The following SEL1L3 variants were observed in gnomAD, a reference collection of about 807,000 sequenced individuals.
SEL1L3 encodes the protein SEL1L family member 3, also known as protein sel-1 homolog 3.
Under a neutral mutation model 142.8 loss-of-function variants are expected in SEL1L3, and 76 were observed. The ratio of observed to expected loss-of-function variants is 0.53; its 90% CI spans 0.44 to 0.64. The LOEUF (loss-of-function observed/expected upper bound fraction) is 0.64, where lower values mean the gene tolerates loss of function less well. SEL1L3 is among the 30% of genes least tolerant of loss of function. The pLI, the probability that SEL1L3 is intolerant of heterozygous loss-of-function variation, is 0.00. For synonymous variants in SEL1L3, 504 were observed against 519.6 expected, an observed-to-expected ratio of 0.97 and a Z score of 0.41; for missense variants, 1,262 against 1,381.7, an observed-to-expected ratio of 0.91 and a Z score of 1.37.
chr4:25,717,313 G>A, the SEL1L3 span, among the ~76,000 whole-genome samples: 3 of 152,290 alleles, frequency 2.0e-5, no homozygotes, highest in East Asian at 5.8e-4. Flanking sequence ...TACCACGATA[G>A]GAGTAGGGAA....
intron 9 of SEL1L3, among the ~76,000 whole-genome samples, chr4:25,813,683 T>C (rs1007324977): frequency 6.6e-6 from 1 of 152,188 alleles, no homozygotes; most frequent in Non-Finnish European, 1.5e-5. Flanking sequence ...CTAAAACTGG[T>C]TCAGATGGCA....
intron 2 of SEL1L3, 68 bp downstream of exon 2, chr4:25,847,226 C>T: frequency 7.6e-7 from 1 of 1,311,370 alleles, no homozygotes; most frequent in Non-Finnish European, 1.1e-6. Context: ...TTTTCTCTTG[C>T]CATTCGATCA....
chr4:25,756,607 T>A (rs1224284004), intron 23 of SEL1L3: 9 of 952,740 alleles, frequency 9.4e-6, no homozygotes, highest in Non-Finnish European at 1.1e-5. Context: ...GTCATACAGC[T>A]AATGAGTAGC....
At chr4:25,752,629 T>A (rs1049332913) in intron 23 of SEL1L3, among the ~76,000 whole-genome samples, 4 of 152,128 alleles carry the variant, frequency 2.6e-5, no homozygotes, top group African/African-American at 7.2e-5. Context: ...GTGGTTTTGT[T>A]TTGTTTTTGA....
Position 25,788,208 on chromosome 4 carries a change from A to G in SEL1L3, c.2217+16T>C. On this transcript the variant is annotated intron_variant, in intron 13 of 23. Transcript: ENST00000399878. This position sits in a 1 kb window ranked among gnomAD's most constrained non-coding sequence, Gnocchi z 5.3. ...TAAGAATTGCACAATTTCAGCACGA[A>G]TTAAGTGATTCTTACCTTGAATAGC... 6.2e-7 allele frequency: 1 copy of G among 1,612,392 alleles called. No individual in the cohort carries two copies. Among genetic ancestry groups the G allele is most frequent in the South Asian group, 1.1e-5 (1 of 90,998 alleles).
intron 20 of SEL1L3, among the ~76,000 whole-genome samples, chr4:25,762,889 T>A (rs373443718): frequency 6.6e-6 from 1 of 150,456 alleles, no homozygotes; most frequent in East Asian, 2.0e-4. Context: ...GGCAGGAGAA[T>A]CACCTGAACC....
chr4:25,847,571 G>A lies in SEL1L3; in HGVS notation c.456C>T (p.Ser152=). Reference sequence around the variant, plus strand: ...AATAATCATCTCTGTAAACCATAATGCTTGGAAATTTCACATGTACTATTT... The same window carrying A: ...AATAATCATCTCTGTAAACCATAATACTTGGAAATTTCACATGTACTATTT... ...RTQIVHVKFP[S]IMVYRDDYFI... The change falls in exon 2 of 24, where the codon AGC becomes AGT. Residue 152 remains serine (S), a synonymous_variant. Transcript: ENST00000399878. The A allele has an allele frequency of 6.2e-7, 1 of 1,613,944 alleles. No individual in the cohort carries two copies. The highest frequency in any genetic ancestry group is 8.5e-7 in the Non-Finnish European group (1 of 1,179,856).
At chr4:25,752,862 C>T (rs746806436) in intron 23 of SEL1L3, among the ~76,000 whole-genome samples, 2 of 152,270 alleles carry the variant, frequency 1.3e-5, no homozygotes, top group Non-Finnish European at 2.9e-5. Context: ...CTTAGGTGAT[C>T]TGCCTGCCTT....
At chr4:25,831,504 A>ATT (rs1715434611) in intron 5 of SEL1L3, among the ~76,000 whole-genome samples, 1 of 94,374 alleles carries the variant, frequency 1.1e-5, no homozygotes, top group South Asian at 3.1e-4. Flanking sequence ...TAATAATAAT[A>ATT]ATAATAATTA....
intron 23 of SEL1L3, among the ~76,000 whole-genome samples, chr4:25,754,482 G>A (rs1040345254): frequency 6.6e-6 from 1 of 151,608 alleles, no homozygotes; most frequent in African/African-American, 2.4e-5. Context: ...CCAAGTAGCT[G>A]GGATTACAGG....
rs146878391 is a variant in SEL1L3 at position 25,843,751 on chromosome 4, A to T, written c.733+3543T>A. Among the ~76,000 whole-genome samples, 261 of 152,346 alleles carry T rather than the reference A, an allele frequency of 1.7e-3. 1 individual carries two copies. Among genetic ancestry groups the T allele is most frequent in the African/African-American group, 5.9e-3 (244 of 41,584 alleles). On this transcript the variant is annotated intron_variant, in intron 2 of 23. Transcript: ENST00000399878. ...TGTTCCCAATGGCTACCGACTTCTCATCTGGGTTAGGTTTTCCCTGCAGGG... is the reference window on the plus strand; with the variant it reads ...TGTTCCCAATGGCTACCGACTTCTCTTCTGGGTTAGGTTTTCCCTGCAGGG...
intron 11 of SEL1L3, among the ~76,000 whole-genome samples, chr4:25,799,548 T>C (rs1051973488): frequency 6.6e-5 from 10 of 152,124 alleles, no homozygotes; most frequent in African/African-American, 2.4e-4. Context: ...ATTCAGCCCA[T>C]CAGCTGTTGT....
chr4:25,836,439 G>A (rs1309522655), intron 2 of SEL1L3, among the ~76,000 whole-genome samples: 2 of 152,020 alleles, frequency 1.3e-5, no homozygotes, highest in African/African-American at 4.8e-5. Context: ...TTGAGGTCAG[G>A]AGATCGAGAC....
At chr4:25,808,481 G>C (rs1400336412) in intron 9 of SEL1L3, among the ~76,000 whole-genome samples, 3 of 152,144 alleles carry the variant, frequency 2.0e-5, no homozygotes, top group African/African-American at 7.2e-5. Context: ...CCCGGAGCTG[G>C]GACCAGCGTC....
chr4:25,818,625 G>A lies in SEL1L3; in HGVS notation c.1424-347C>T, dbSNP rs142395659. On this transcript the variant is annotated intron_variant, in intron 8 of 23. Transcript: ENST00000399878. Reference sequence around the variant, plus strand: ...CCCTCAGGGAGGCAAAGCAGTTCAAGATGATAGGAAAATCTTCCTAATGCC... The same window carrying A: ...CCCTCAGGGAGGCAAAGCAGTTCAAAATGATAGGAAAATCTTCCTAATGCC... Among the ~76,000 whole-genome samples the A allele has an allele frequency of 1.9e-3, 283 of 152,330 alleles. 1 individual carries two copies. The highest frequency in any genetic ancestry group is 3.3e-3 in the Non-Finnish European group (222 of 68,036).
At chr4:25,834,668 T>C (rs914904433) in intron 3 of SEL1L3, among the ~76,000 whole-genome samples, 1 of 152,160 alleles carries the variant, frequency 6.6e-6, no homozygotes, top group Non-Finnish European at 1.5e-5. Context: ...TGACTCAAGA[T>C]CTTTCTACAG....
chr4:25,724,715 C>A, the SEL1L3 span, among the ~76,000 whole-genome samples: 473 of 103,602 alleles, frequency 4.6e-3, 5 homozygotes, highest in African/African-American at 0.017. Context: ...CCAGCCTTGG[C>A]GACAGAGCCA....
Position 25,748,553 on chromosome 4 carries a change from G to A in SEL1L3, c.3271C>T (p.Pro1091Ser). 6.2e-7 allele frequency: 1 copy of A among 1,610,482 alleles called. No individual in the cohort carries two copies. Among genetic ancestry groups the A allele is most frequent in the Non-Finnish European group, 8.5e-7 (1 of 1,178,636 alleles). Residue 1091 changes from proline (P) to serine (S), a missense_variant, in exon 24 of 24, where the codon CCT becomes TCT. Pro to Ser is a moderately conservative substitution (Grantham distance 74, BLOSUM62 -1). Coordinates refer to ENST00000399878, the MANE Select transcript of SEL1L3 (RefSeq NM_015187.5). ...GGGGAGGCCTGGGATGGTCTTGGAG[G>A]GGGATCGCTTGCTGCAGAGACACAT... ...YFQSVSASDP[P>S]PRPSQASPDT...
chr4:25,725,748 C>T, the SEL1L3 span, among the ~76,000 whole-genome samples: 6 of 152,212 alleles, frequency 3.9e-5, no homozygotes, highest in African/African-American at 1.4e-4. Context: ...TCTTAGGTCT[C>T]TCTTCCTTTT....
Sources: gnomAD v4.1 joint callset for allele counts (sites outside exome capture counted in the v4.1 genomes callset) on GRCh38, gnomAD v4.1.1 for gene constraint, Gnocchi (gnomAD v3.1) non-coding constraint, MANE v1.5 for transcripts, NCBI Gene and HGNC (gene_info 2026-07-23, HGNC 2026-07-21) for gene names.